Variants in TRANK1 observed in about 807,000 individuals in gnomAD.
TRANK1 encodes the protein TPR and ankyrin repeat-containing protein 1.
A neutral mutation model predicts 266.0 loss-of-function variants in TRANK1; 198 were observed. The ratio of observed to expected loss-of-function variants is 0.74; its 90% CI spans 0.66 to 0.84. The LOEUF is 0.84. TRANK1 is among the 40% of genes least tolerant of loss of function. The probability of loss-of-function intolerance (pLI) is 0.00; values close to 1 mark genes in which losing one functional copy is unlikely to be tolerated. For synonymous variants in TRANK1, 1,396 were observed against 1,384.1 expected (o/e 1.01, Z -0.19); for missense variants, 3,326 against 3,634.6 (o/e 0.92, Z 2.18).
At position 36,845,077 on chromosome 3, in the gene TRANK1, T is replaced by C. The variant is rs151113033; in HGVS notation, c.5191+1171A>G. ...CACAATTAAAAAAAAACCCTGCAAA[T>C]AGCACAGAGGTAAGAAGGTGAAAAG... is the stretch of plus-strand genomic sequence containing the variant. On this transcript the variant is annotated intron_variant, in intron 17 of 23. Coordinates refer to ENST00000645898, the MANE Select transcript of TRANK1 (RefSeq NM_001329998.2). Among the ~76,000 whole-genome samples, 393 of 151,432 alleles carry C rather than the reference T, an allele frequency of 2.6e-3. 2 individuals are homozygous for C. Among genetic ancestry groups the C allele is most frequent in the African/African-American group, 7.4e-3 (307 of 41,246 alleles).
intron 1 of TRANK1, among the ~76,000 whole-genome samples, chr3:36,935,974 G>A (rs1179412856): frequency 6.6e-6 from 1 of 152,110 alleles, no homozygotes; most frequent in Non-Finnish European, 1.5e-5. Context: ...TTCCCATAAA[G>A]CCAGGTGGTT....
Position 36,832,419 on chromosome 3 carries a change from G to T in TRANK1, c.7164C>A (p.Gly2388=), listed in dbSNP as rs1452427305. The T allele has an allele frequency of 7.4e-6, 12 of 1,613,894 alleles. No homozygotes were observed. The East Asian group carries it at 2.4e-4, about 33-fold the overall frequency. Reference sequence around the variant, plus strand: ...CATCATCCCTGTTGGGTGCCAGCATGCCAAATTTCCCTTCTATTCCTTTTA... The same window carrying T: ...CATCATCCCTGTTGGGTGCCAGCATTCCAAATTTCCCTTCTATTCCTTTTA... ...SRIKGIEGKF[G]MLAPNRDDEN... is the part of the protein sequence containing the mutation. Residue 2388 remains glycine (G), a synonymous_variant, in exon 22 of 24, where the codon GGC becomes GGA. Coordinates refer to ENST00000645898, the MANE Select transcript of TRANK1 (RefSeq NM_001329998.2).
chr3:36,878,852 A>G (rs537537967), intron 8 of TRANK1, among the ~76,000 whole-genome samples: 28 of 151,970 alleles, frequency 1.8e-4, no homozygotes, highest in African/African-American at 6.5e-4. Context: ...TGTCTTGTTT[A>G]ATTAAAACGT....
chr3:36,846,413 A>T lies in TRANK1; in HGVS notation c.5035-9T>A. 1 of 1,608,592 alleles carries T rather than the reference A, an allele frequency of 6.2e-7. No individual in the cohort carries two copies. The highest frequency in any genetic ancestry group is 8.5e-7 in the Non-Finnish European group (1 of 1,176,768). The stretch of plus-strand genomic sequence containing the variant: ...AGCTCTCCGTTGAGGAGCTAAAGAT[A>T]ACATTGAGGACAAAGATGATGAGCC... On this transcript the variant is annotated splice_polypyrimidine_tract_variant and intron_variant, in intron 16 of 23. Transcript: ENST00000645898.
chr3:36,926,478 C>T (rs953504722), intron 1 of TRANK1, among the ~76,000 whole-genome samples: 5 of 152,152 alleles, frequency 3.3e-5, no homozygotes, highest in African/African-American at 1.2e-4. Context: ...GGAGAGAGAC[C>T]TGGGCCAATC....
intron 1 of TRANK1, among the ~76,000 whole-genome samples, chr3:36,939,694 T>G (rs1038130083): frequency 6.6e-6 from 1 of 152,184 alleles, no homozygotes; most frequent in Admixed American, 6.5e-5. Context: ...TTGAGCTATG[T>G]GAAACAGCAA....
At chr3:36,876,035 C>T (rs2079383749) in intron 8 of TRANK1, among the ~76,000 whole-genome samples, 1 of 152,208 alleles carries the variant, frequency 6.6e-6, no homozygotes, top group African/African-American at 2.4e-5. Context: ...CAGAGAGGTA[C>T]ACAGGTTTTC....
At chr3:36,866,858 C>T (rs935455396) in intron 9 of TRANK1, among the ~76,000 whole-genome samples, 4 of 152,096 alleles carry the variant, frequency 2.6e-5, no homozygotes, top group Non-Finnish European at 5.9e-5. Context: ...CATCTGCCAC[C>T]CCTTCTGACA....
At chr3:36,835,048 G>A (rs1413662884) in intron 20 of TRANK1, 141 bp from the exon 21 acceptor site, 8 of 884,440 alleles carry the variant, frequency 9.0e-6, no homozygotes, top group Admixed American at 6.8e-5. Context: ...GGCCGGGCGT[G>A]GTGGCTCACG....
intron 3 of TRANK1, among the ~76,000 whole-genome samples, chr3:36,902,450 A>G (rs2079897553): frequency 6.6e-6 from 1 of 152,192 alleles, no homozygotes; most frequent in African/African-American, 2.4e-5. Flanking sequence ...TTCTCCCCAG[A>G]TTGAATGCAA....
intron 1 of TRANK1, among the ~76,000 whole-genome samples, chr3:36,912,800 G>A (rs764086647): frequency 3.9e-5 from 6 of 152,250 alleles, no homozygotes; most frequent in Admixed American, 6.5e-5. Context: ...TACTGAAATG[G>A]GCAGAGAGGA....
In TRANK1 at chr3:36,847,228, G is replaced by T. The variant is rs779039710; in HGVS notation, c.5006C>A (p.Ser1669Tyr). 1 of 1,613,432 alleles carries T rather than the reference G, an allele frequency of 6.2e-7. No homozygotes were observed. The highest frequency in any genetic ancestry group is 1.1e-5 in the South Asian group (1 of 90,958). Residue 1669 changes from serine (S) to tyrosine (Y), a missense_variant, in exon 16 of 24, where the codon TCT becomes TAT. Physicochemically the swap from Ser to Tyr is moderately radical, Grantham distance 144 (BLOSUM62 -2). Coordinates refer to ENST00000645898, the MANE Select transcript of TRANK1 (RefSeq NM_001329998.2). ...LDKPGSSQGR[S>Y]LMVNPEMYKL... ...GTACATTTCTGGATTCACCATGAGAGATCGACCCTGAGAAGAGCCTGGTTT... is the reference window on the plus strand; with the variant it reads ...GTACATTTCTGGATTCACCATGAGATATCGACCCTGAGAAGAGCCTGGTTT...
chr3:36,831,638 G>A lies in TRANK1; in HGVS notation c.7945C>T (p.Arg2649Trp), dbSNP rs371549764. The change falls in exon 22 of 24, where the codon CGG becomes TGG. Residue 2649 changes from arginine (R) to tryptophan (W), a missense_variant. By Grantham distance (101) the Arg-to-Trp change is moderately radical. Transcript: ENST00000645898. The surrounding 1 kb of genome is among the most constrained non-coding windows in gnomAD (Gnocchi z 5.0). ...CCTTTGGTGTGCACAGGGTCCCACCGCCAGTCACAGTCCATTAGGTACTCT... is the reference window on the plus strand; with the variant it reads ...CCTTTGGTGTGCACAGGGTCCCACCACCAGTCACAGTCCATTAGGTACTCT... ...DEEYLMDCDW[R>W]WDPVHTKGSI... The A allele has an allele frequency of 8.7e-6, 14 of 1,613,756 alleles. No homozygotes were observed. Among genetic ancestry groups the A allele is most frequent in the African/African-American group, 1.3e-5 (1 of 74,896 alleles).
chr3:36,895,313 C>T (rs1278174268), intron 5 of TRANK1, among the ~76,000 whole-genome samples: 1 of 152,174 alleles, frequency 6.6e-6, no homozygotes, highest in African/African-American at 2.4e-5. Context: ...CGGGAACACA[C>T]TAGCTAAAGC....
intron 8 of TRANK1, among the ~76,000 whole-genome samples, chr3:36,883,318 A>G (rs2079556553): frequency 1.3e-5 from 2 of 151,838 alleles, no homozygotes; most frequent in Non-Finnish European, 2.9e-5. Context: ...ATGGTAGCAC[A>G]TGTCTAGTCT....
chr3:36,891,475 G>A (rs2079694933), intron 7 of TRANK1, among the ~76,000 whole-genome samples: 1 of 152,176 alleles, frequency 6.6e-6, no homozygotes, highest in African/African-American at 2.4e-5. Context: ...CTGGGGAGAT[G>A]ATACAGCCTA....
intron 15 of TRANK1, chr3:36,851,513 C>A: frequency 8.0e-7 from 1 of 1,248,042 alleles, no homozygotes; most frequent in Non-Finnish European, 1.0e-6. Flanking sequence ...GGAACTAGCC[C>A]ATGACACACT....
At chr3:36,873,814 TTCTG>T (rs2079344383) in intron 9 of TRANK1, among the ~76,000 whole-genome samples, 1 of 151,980 alleles carries the variant, frequency 6.6e-6, no homozygotes, top group South Asian at 2.1e-4. Context: ...TTATCTCATA[TTCTG>T]TCTAATTTTT....
intron 1 of TRANK1, among the ~76,000 whole-genome samples, chr3:36,910,373 G>A (rs1224820036): frequency 1.3e-5 from 2 of 152,144 alleles, no homozygotes; most frequent in African/African-American, 4.8e-5. Context: ...AACTCTAAAT[G>A]TTCCATAATA....
Sources: gnomAD v4.1 joint callset for allele counts (sites outside exome capture counted in the v4.1 genomes callset) on GRCh38, gnomAD v4.1.1 for gene constraint, Gnocchi (gnomAD v3.1) non-coding constraint, MANE v1.5 for transcripts, NCBI Gene and HGNC (gene_info 2026-07-23, HGNC 2026-07-21) for gene names.